The following ZNF138 variants were observed in gnomAD, a reference collection of about 807,000 sequenced individuals.
ZNF138 encodes the protein zinc finger protein 138 (clone pHZ-32).
Under a neutral mutation model 33.0 loss-of-function variants are expected in ZNF138, and 33 were observed. That is an observed-to-expected ratio of 1.00 (90% CI 0.76 to 1.34). ZNF138 has a LOEUF of 1.34. ZNF138 is among the 40% of genes most tolerant of loss of function. ZNF138 has a pLI of 0.00. For missense variants in ZNF138, 360 were observed against 370.8 expected (o/e 0.97, Z 0.24); for synonymous variants, 139 against 120.4 (o/e 1.15, Z -1.01).
At chr7:64,830,037 G>C (rs1207240350) in intron 3 of ZNF138, among the ~76,000 whole-genome samples, 1 of 152,166 alleles carries the variant, frequency 6.6e-6, no homozygotes, top group Admixed American at 6.5e-5. Context: ...TTTGCTGCTG[G>C]TATTATTCTC....
chr7:64,842,927 T>C, the ZNF138 span, among the ~76,000 whole-genome samples: 3 of 152,356 alleles, frequency 2.0e-5, no homozygotes, highest in East Asian at 5.8e-4. Flanking sequence ...CTCTTGAACT[T>C]ATTCTATTAA....
chr7:64,811,345 TTTC>T (rs1788163613), intron 1 of ZNF138, among the ~76,000 whole-genome samples: 1 of 152,156 alleles, frequency 6.6e-6, no homozygotes, highest in African/African-American at 2.4e-5. Flanking sequence ...AAATGTTATT[TTTC>T]TTTTCTTTTT....
chr7:64,852,430 A>C, the ZNF138 span: 1 of 1,569,616 alleles, frequency 6.4e-7, no homozygotes, highest in East Asian at 2.2e-5. Flanking sequence ...TCACATTTTG[A>C]GTGGCCACTT....
chr7:64,796,853 G>A (rs892823136), intron 1 of ZNF138, among the ~76,000 whole-genome samples: 1 of 152,172 alleles, frequency 6.6e-6, no homozygotes, highest in Non-Finnish European at 1.5e-5. Flanking sequence ...GACCAGCCTG[G>A]CCAACATGGT....
chr7:64,814,485 G>A (rs1788449440), intron 1 of ZNF138, among the ~76,000 whole-genome samples: 1 of 152,032 alleles, frequency 6.6e-6, no homozygotes, highest in Non-Finnish European at 1.5e-5. Context: ...TTATTTTATG[G>A]GCTGGTCCTG....
intron 3 of ZNF138, among the ~76,000 whole-genome samples, chr7:64,823,910 C>T (rs1789368835): frequency 6.6e-6 from 1 of 152,156 alleles, no homozygotes; most frequent in Non-Finnish European, 1.5e-5. Flanking sequence ...TGCACTCCAG[C>T]CTGGGTGACA....
At chr7:64,839,780 T>C in the ZNF138 span, among the ~76,000 whole-genome samples, 1 of 151,934 alleles carries the variant, frequency 6.6e-6, no homozygotes, top group Non-Finnish European at 1.5e-5. Context: ...CTGGGGGGCT[T>C]AGGAGGTGTC....
At chr7:64,803,276 T>C (rs969904664) in intron 1 of ZNF138, among the ~76,000 whole-genome samples, 5 of 146,844 alleles carry the variant, frequency 3.4e-5, no homozygotes, top group South Asian at 2.1e-4. Flanking sequence ...TTTTTTTTTT[T>C]CATTTAATCT....
downstream of ZNF138, among the ~76,000 whole-genome samples, chr7:64,834,167 G>A (rs529290476): frequency 8.6e-5 from 13 of 151,978 alleles, no homozygotes; most frequent in South Asian, 1.9e-3. Flanking sequence ...CTCAAACTTC[G>A]TTCAACATCA....
At chr7:64,852,497 T>C in the ZNF138 span, 2 of 1,579,262 alleles carry the variant, frequency 1.3e-6, no homozygotes. Context: ...GTGGTTGCCC[T>C]TCTCTACAAT....
At chr7:64,859,214 C>T in the ZNF138 span, among the ~76,000 whole-genome samples, 6 of 152,170 alleles carry the variant, frequency 3.9e-5, no homozygotes, top group African/African-American at 7.2e-5. Context: ...GCATGAGCCA[C>T]GACGCCTGGA....
chr7:64,800,304 A>T (rs1357547569), intron 1 of ZNF138, among the ~76,000 whole-genome samples: 1 of 152,148 alleles, frequency 6.6e-6, no homozygotes, highest in Non-Finnish European at 1.5e-5. Context: ...CAGTTTGTCC[A>T]TTCAGTACGT....
At chr7:64,841,203 C>T in the ZNF138 span, among the ~76,000 whole-genome samples, 1 of 152,062 alleles carries the variant, frequency 6.6e-6, no homozygotes, top group Admixed American at 6.6e-5. Flanking sequence ...ATTTAATGCA[C>T]ACTGAACAAT....
intron 3 of ZNF138, among the ~76,000 whole-genome samples, chr7:64,822,928 T>G (rs1789285223): frequency 6.6e-6 from 1 of 152,154 alleles, no homozygotes; most frequent in African/African-American, 2.4e-5. Context: ...TTGCCCAGGC[T>G]AGAGTGTAAT....
At chr7:64,819,241 A>G (rs1335070181) in intron 3 of ZNF138, among the ~76,000 whole-genome samples, 2 of 152,086 alleles carry the variant, frequency 1.3e-5, no homozygotes, top group African/African-American at 2.4e-5. Flanking sequence ...CTGATTTTCA[A>G]TGGTCGTTTT....
chr7:64,854,036 GA>G, the ZNF138 span, among the ~76,000 whole-genome samples: 141,944 of 150,288 alleles, frequency 0.94, 67,523 homozygotes, highest in East Asian at 1. Context: ...TCTTTAACCA[GA>G]AAAAAAAAAA....
rs950027297 is a variant in ZNF138 at position 64,831,862 on chromosome 7, C to T, written c.620C>T (p.Ser207Phe). ...GAGTGTGGAAAAACCTTTAACTGGT[C>T]CACAAACCTTTCTAAACCTAAGAAA... ...CEECGKTFNW[S>F]TNLSKPKKIH... Residue 207 changes from serine (S) to phenylalanine (F), a missense_variant, in exon 4 of 4, where the codon TCC (serine) becomes TTC (phenylalanine). Physicochemically the swap from Ser to Phe is radical, Grantham distance 155. Coordinates refer to ENST00000307355, the MANE Select transcript of ZNF138 (RefSeq NM_001271639.2). 2 of 1,613,766 alleles carry T rather than the reference C, an allele frequency of 1.2e-6. No homozygotes were observed. Among genetic ancestry groups the T allele is most frequent in the African/African-American group, 1.3e-5 (1 of 74,986 alleles).
chr7:64,858,561 C>T, the ZNF138 span, among the ~76,000 whole-genome samples: 2 of 152,106 alleles, frequency 1.3e-5, no homozygotes, highest in Non-Finnish European at 2.9e-5. Context: ...TGATTCAGTT[C>T]CCCAGTGAAT....
chr7:64,838,839 G>A, the ZNF138 span, among the ~76,000 whole-genome samples: 92,322 of 151,936 alleles, frequency 0.61, 28,352 homozygotes, highest in East Asian at 0.7. Context: ...TTAAAATGGC[G>A]GCCAAATGGC....
Sources: allele counts gnomAD v4.1 joint callset (sites outside exome capture counted in the v4.1 genomes callset), GRCh38; gene constraint gnomAD v4.1.1; transcripts MANE v1.5; gene names NCBI Gene and HGNC (gene_info 2026-07-23, HGNC 2026-07-21).